Variants in ROCK1 observed in about 807,000 individuals in gnomAD.
The protein encoded by ROCK1 is Rho associated coiled-coil containing protein kinase 1.
ROCK1 carries 36 observed loss-of-function variants against 196.8 expected under a neutral mutation model. The ratio of observed to expected loss-of-function variants is 0.18; its 90% CI spans 0.14 to 0.24. The LOEUF (loss-of-function observed/expected upper bound fraction) is 0.24. ROCK1 is among the 10% of genes least tolerant of loss of function. ROCK1 has a pLI of 1.00. For synonymous variants in ROCK1, 443 were observed against 515.9 expected (o/e 0.86, Z 1.91); for missense variants, 920 against 1,562.0 (o/e 0.59, Z 6.93).
At chr18:20,999,108 C>G (rs2035698637) in intron 16 of ROCK1, among the ~76,000 whole-genome samples, 1 of 151,010 alleles carries the variant, frequency 6.6e-6, no homozygotes, top group Non-Finnish European at 1.5e-5. Flanking sequence ...ATGCAAAAAC[C>G]CTCAACAAGA....
chr18:20,959,086 T>TATATATAATATATAATATTATATATA (rs1568367368), intron 29 of ROCK1, among the ~76,000 whole-genome samples: 1 of 29,804 alleles, frequency 3.4e-5, no homozygotes, highest in Non-Finnish European at 4.8e-5. Context: ...ATATATATAT[T>TATATATAATATATAATATTATATATA]TTATATAATA....
chr18:20,994,961 A>C (rs1404011324), intron 16 of ROCK1, among the ~76,000 whole-genome samples: 2 of 152,212 alleles, frequency 1.3e-5, no homozygotes, highest in East Asian at 3.9e-4. Flanking sequence ...TTCATAATCT[A>C]GTCAAAGACT....
At position 20,984,515 on chromosome 18, in the gene ROCK1, T is replaced by C. The variant is rs776292659; in HGVS notation, c.2325A>G (p.Gln775=). 1 of 1,611,582 alleles carries C rather than the reference T, an allele frequency of 6.2e-7. No individual in the cohort carries two copies. The highest frequency in any genetic ancestry group is 8.5e-7 in the Non-Finnish European group (1 of 1,179,330). Residue 775 remains glutamine, a synonymous_variant, in exon 20 of 33, where the codon CAA becomes CAG. Coordinates refer to ENST00000399799, the MANE Select transcript of ROCK1 (RefSeq NM_005406.3). ...MEDEVKNLTL[Q]LEQESNKRLL... ...GCCGCTTATTTGATTCCTGCTCCAG[T>C]TGCAGGGTTAGATTCTTAACCTATG... is the stretch of plus-strand genomic sequence containing the variant.
chr18:21,019,881 T>C (rs1301766980), intron 12 of ROCK1, among the ~76,000 whole-genome samples: 2 of 149,372 alleles, frequency 1.3e-5, no homozygotes, highest in Admixed American at 6.7e-5. Context: ...GTACACAATA[T>C]ATTATTTTCA....
chr18:21,093,066 A>G (rs1380746979), intron 1 of ROCK1, among the ~76,000 whole-genome samples: 1 of 152,236 alleles, frequency 6.6e-6, no homozygotes, highest in Non-Finnish European at 1.5e-5. Flanking sequence ...ATGCAGACCT[A>G]TGCTCATCAG....
At chr18:20,957,786 A>G (rs2035259264) in intron 29 of ROCK1, among the ~76,000 whole-genome samples, 1 of 152,068 alleles carries the variant, frequency 6.6e-6, no homozygotes, top group Admixed American at 6.5e-5. Flanking sequence ...AACTGGCCCA[A>G]GTGAGCTTTC....
At chr18:20,996,219 T>G (rs1278338029) in intron 16 of ROCK1, among the ~76,000 whole-genome samples, 1 of 152,010 alleles carries the variant, frequency 6.6e-6, no homozygotes. Flanking sequence ...ACAAAAAGAC[T>G]GAAATAAGTA....
At position 21,041,463 on chromosome 18, in the gene ROCK1, T is replaced by G. The variant is rs2036105714; in HGVS notation, c.959+634A>C. On this transcript the variant is annotated intron_variant, in intron 8 of 32. Transcript: ENST00000399799. ...TCTTACTAATACATCTGGTTCACTTTCAAATTTCAAAAGTAAACCACAAAG... is the reference window on the plus strand; with the variant it reads ...TCTTACTAATACATCTGGTTCACTTGCAAATTTCAAAAGTAAACCACAAAG... Among the ~76,000 whole-genome samples the G allele has an allele frequency of 1.3e-5, 2 of 152,046 alleles. 1 individual carries two copies. Among genetic ancestry groups the G allele is most frequent in the South Asian group, 4.1e-4 (2 of 4,824 alleles).
chr18:20,985,630 T>C (rs1459733876), intron 19 of ROCK1, among the ~76,000 whole-genome samples: 1 of 152,192 alleles, frequency 6.6e-6, no homozygotes, highest in East Asian at 1.9e-4. Context: ...ACCATACCTA[T>C]ATCTTATTCA....
intron 12 of ROCK1, 91 bp from the exon 13 acceptor site, chr18:21,015,570 T>G: frequency 3.8e-6 from 3 of 797,854 alleles, no homozygotes; most frequent in Non-Finnish European, 6.3e-6. Flanking sequence ...TCCACTTAAC[T>G]AGAGTTTTGT....
chr18:21,082,636 T>C (rs568059157), intron 1 of ROCK1, among the ~76,000 whole-genome samples: 86 of 152,154 alleles, frequency 5.7e-4, no homozygotes, highest in Admixed American at 1.9e-3. Flanking sequence ...CACCCTCTCA[T>C]AATAAAAAAC....
chr18:21,079,149 G>A (rs1394873117), intron 1 of ROCK1, among the ~76,000 whole-genome samples: 1 of 152,130 alleles, frequency 6.6e-6, no homozygotes, highest in Non-Finnish European at 1.5e-5. Context: ...CTTAAAAAGT[G>A]CTTCCTTTTC....
At chr18:20,992,790 A>ATTAC (rs776849110) in intron 17 of ROCK1, 41 bp downstream of exon 17, 1 of 1,143,920 alleles carries the variant, frequency 8.7e-7, no homozygotes, top group South Asian at 1.3e-5. Context: ...ATAATCAGTA[A>ATTAC]TTACTATTTT....
intron 1 of ROCK1, among the ~76,000 whole-genome samples, chr18:21,103,355 GTTTAAGT>G (rs2036675815): frequency 6.6e-6 from 1 of 151,960 alleles, no homozygotes; most frequent in South Asian, 2.1e-4. Flanking sequence ...TCATTTAACT[GTTTAAGT>G]TTTATTTCTT....
chr18:20,975,109 A>G (rs999683786), intron 22 of ROCK1, among the ~76,000 whole-genome samples: 1 of 152,254 alleles, frequency 6.6e-6, no homozygotes, highest in African/African-American at 2.4e-5. Flanking sequence ...TTTCTAGCGG[A>G]AAAACAAAAA....
intron 18 of ROCK1, 74 bp downstream of exon 18, chr18:20,991,102 T>C (rs1371038238): frequency 6.3e-6 from 8 of 1,275,312 alleles, no homozygotes; most frequent in Non-Finnish European, 8.7e-6. Flanking sequence ...GAGTACAAAA[T>C]TTTGACCAAA....
In ROCK1 at chr18:20,971,553, T is replaced by C. The variant is rs544167989; in HGVS notation, c.2655-1040A>G. Reference sequence around the variant, plus strand: ...GGAGTTGGAGACCAGTCTGCCAACGTAGTGGAACCCCATCTCTACTAAAAA... The same window carrying C: ...GGAGTTGGAGACCAGTCTGCCAACGCAGTGGAACCCCATCTCTACTAAAAA... On this transcript the variant is annotated intron_variant, in intron 22 of 32. Transcript: ENST00000399799. 5.3e-5 allele frequency among the ~76,000 whole-genome samples: 8 copies of C among 151,660 alleles called. No individual in the cohort carries two copies. In the South Asian group the frequency reaches 1.3e-3, roughly 24 times the overall value.
At chr18:21,051,678 T>G (rs138562239) in intron 2 of ROCK1, among the ~76,000 whole-genome samples, 1 of 152,112 alleles carries the variant, frequency 6.6e-6, no homozygotes, top group African/African-American at 2.4e-5. Flanking sequence ...GTTTTCACAT[T>G]AAAGTTTAAA....
At chr18:21,042,273 T>C in intron 7 of ROCK1, 38 bp from the exon 8 acceptor site, 1 of 1,521,296 alleles carries the variant, frequency 6.6e-7, no homozygotes, top group Non-Finnish European at 8.8e-7. Context: ...CAAAATGAAA[T>C]ACATTTTTAA....
Sources: gnomAD v4.1 joint callset for allele counts (sites outside exome capture counted in the v4.1 genomes callset) on GRCh38, gnomAD v4.1.1 for gene constraint, MANE v1.5 for transcripts, NCBI Gene and HGNC (gene_info 2026-07-23, HGNC 2026-07-21) for gene names.